Variants in LINGO2 observed in about 807,000 individuals in gnomAD.
LINGO2 encodes leucine-rich repeat and immunoglobulin-like domain-containing nogo receptor-interacting protein 2.
Under a neutral mutation model 30.6 loss-of-function variants are expected in LINGO2, and 14 were observed. The observed-to-expected ratio is 0.46, with a 90% CI of 0.30 to 0.72. LINGO2 has a LOEUF of 0.72. Among genes scored for constraint, LINGO2 ranks in the 30% least tolerant of loss-of-function variants. The probability of loss-of-function intolerance (pLI) is 0.07; values close to 1 mark genes in which losing one functional copy is unlikely to be tolerated. For missense variants in LINGO2, 729 were observed against 751.7 expected (o/e 0.97, Z 0.35); for synonymous variants, 317 against 288.5 (o/e 1.10, Z -1.00).
At chr9:27,947,690 G>T (rs972352609), downstream of LINGO2, among the ~76,000 whole-genome samples, 1 of 152,180 alleles carries the variant, frequency 6.6e-6, no homozygotes, top group South Asian at 2.1e-4. Context: ...AATCTAGCAT[G>T]CAGGCAGCTA....
the LINGO2 span, among the ~76,000 whole-genome samples, chr9:29,178,964 A>G: frequency 6.6e-6 from 1 of 151,396 alleles, no homozygotes; most frequent in Admixed American, 6.6e-5. Flanking sequence ...CCATCTCTAA[A>G]ATAATTAATT....
the LINGO2 span, among the ~76,000 whole-genome samples, chr9:29,176,210 GA>G: frequency 0.03 from 4,579 of 152,230 alleles, 222 homozygotes; most frequent in African/African-American, 0.1. Flanking sequence ...TGAGAAGACA[GA>G]CAACTAACCA....
chr9:28,054,960 T>C (rs1475546278), intron 4 of LINGO2, among the ~76,000 whole-genome samples: 1 of 152,092 alleles, frequency 6.6e-6, no homozygotes, highest in African/African-American at 2.4e-5. Context: ...TCCTCTTAAA[T>C]GTGAATACTC....
chr9:28,213,461 G>T (rs1357850033), intron 4 of LINGO2, among the ~76,000 whole-genome samples: 2 of 151,386 alleles, frequency 1.3e-5, no homozygotes, highest in Non-Finnish European at 3.0e-5. Context: ...ATTGAAATAA[G>T]CCAGCATGCC....
chr9:29,200,523 A>G, the LINGO2 span, among the ~76,000 whole-genome samples: 1 of 152,254 alleles, frequency 6.6e-6, no homozygotes, highest in African/African-American at 2.4e-5. Flanking sequence ...TAAATTGGCT[A>G]TGTTTTAATT....
intron 4 of LINGO2, among the ~76,000 whole-genome samples, chr9:28,245,884 T>G (rs1821979446): frequency 6.6e-6 from 1 of 152,116 alleles, no homozygotes; most frequent in Non-Finnish European, 1.5e-5. Context: ...AATTTATAGA[T>G]TGAATGCTAT....
At chr9:28,765,051 G>T in the LINGO2 span, among the ~76,000 whole-genome samples, 986 of 151,986 alleles carry the variant, frequency 6.5e-3, 18 homozygotes, top group African/African-American at 0.022. Flanking sequence ...AATTAATATT[G>T]TTAAAATGTT....
the LINGO2 span, among the ~76,000 whole-genome samples, chr9:28,850,265 G>A: frequency 1.3e-5 from 2 of 152,002 alleles, no homozygotes; most frequent in Non-Finnish European, 2.9e-5. Context: ...GACTATGAAT[G>A]ATAATAATTT....
the LINGO2 span, among the ~76,000 whole-genome samples, chr9:29,084,089 A>C: frequency 1.3e-5 from 2 of 148,160 alleles, no homozygotes; most frequent in Non-Finnish European, 1.5e-5. Context: ...ATAAGTAATA[A>C]ATTTGATTTA....
chr9:28,121,797 T>A (rs1827103588), intron 4 of LINGO2, among the ~76,000 whole-genome samples: 1 of 152,212 alleles, frequency 6.6e-6, no homozygotes, highest in South Asian at 2.1e-4. Flanking sequence ...TCCAATTTCT[T>A]GTCATTACTC....
intron 1 of LINGO2, among the ~76,000 whole-genome samples, chr9:28,574,512 TTA>T (rs1823860153): frequency 1.3e-5 from 2 of 152,202 alleles, no homozygotes; most frequent in African/African-American, 4.8e-5. Context: ...TAGCTGCTCT[TTA>T]TGTTTTTAGT....
intron 5 of LINGO2, among the ~76,000 whole-genome samples, chr9:28,002,641 T>C (rs1205972394): frequency 6.6e-6 from 1 of 152,144 alleles, no homozygotes; most frequent in African/African-American, 2.4e-5. Flanking sequence ...CAGAGACCCT[T>C]AAACAAAGCC....
chr9:28,011,765 C>A (rs1355783419), intron 5 of LINGO2, among the ~76,000 whole-genome samples: 3 of 152,192 alleles, frequency 2.0e-5, no homozygotes, highest in African/African-American at 7.2e-5. Context: ...TGTGAGAAAG[C>A]CTCAGGCTAA....
intron 1 of LINGO2, among the ~76,000 whole-genome samples, chr9:28,592,202 CA>C (rs1445016523): frequency 1.3e-5 from 2 of 151,800 alleles, no homozygotes; most frequent in African/African-American, 4.8e-5. Flanking sequence ...TTTCCTTTCA[CA>C]AAGAAGAAAA....
At chr9:29,196,719 A>G in the LINGO2 span, among the ~76,000 whole-genome samples, 1 of 152,126 alleles carries the variant, frequency 6.6e-6, no homozygotes. Flanking sequence ...TGCAAAAGCT[A>G]TGAACATATA....
intron 4 of LINGO2, among the ~76,000 whole-genome samples, chr9:28,067,834 G>A (rs554035434): frequency 1.4e-4 from 22 of 152,202 alleles, no homozygotes; most frequent in Middle Eastern, 3.4e-3. Context: ...ACAATGCTAC[G>A]ATGTAGATAC....
At chr9:28,979,869 A>G in the LINGO2 span, among the ~76,000 whole-genome samples, 1 of 152,154 alleles carries the variant, frequency 6.6e-6, no homozygotes, top group Non-Finnish European at 1.5e-5. Context: ...CAGGGAAAAC[A>G]AGACATTATA....
intron 4 of LINGO2, among the ~76,000 whole-genome samples, chr9:28,154,027 C>T (rs1226451556): frequency 2.0e-5 from 3 of 152,128 alleles, no homozygotes; most frequent in African/African-American, 7.2e-5. Flanking sequence ...TAGAAAGACT[C>T]ATCATTTTTA....
intron 4 of LINGO2, among the ~76,000 whole-genome samples, chr9:28,224,776 A>G (rs1390774326): frequency 1.3e-5 from 2 of 152,206 alleles, no homozygotes; most frequent in African/African-American, 4.8e-5. Context: ...ATGAAGTCCT[A>G]AAATTTGTAT....
Sources: gnomAD v4.1 joint callset for allele counts (sites outside exome capture counted in the v4.1 genomes callset) on GRCh38, gnomAD v4.1.1 for gene constraint, MANE v1.5 for transcripts, NCBI Gene and HGNC (gene_info 2026-07-23, HGNC 2026-07-21) for gene names.